Variants in CAPZA2 observed in about 807,000 individuals in gnomAD.
CAPZA2 encodes F-actin-capping protein subunit alpha-2.
CAPZA2 carries 13 observed loss-of-function variants against 44.0 expected under a neutral mutation model. That is an observed-to-expected ratio of 0.30 (90% CI 0.19 to 0.47). The LOEUF (loss-of-function observed/expected upper bound fraction) is 0.47. CAPZA2 is among the 20% of genes least tolerant of loss of function. The pLI is 1.00. For synonymous variants in CAPZA2, 94 were observed against 108.2 expected, an observed-to-expected ratio of 0.87 and a Z score of 0.81; for missense variants, 244 against 338.6, an observed-to-expected ratio of 0.72 and a Z score of 2.19.
chr7:116,869,790 G>C (rs995301821), intron 1 of CAPZA2, among the ~76,000 whole-genome samples: 6 of 152,210 alleles, frequency 3.9e-5, no homozygotes, highest in African/African-American at 1.4e-4. Flanking sequence ...CAGTTGGTTA[G>C]AGAGCTTCCA....
chr7:116,898,725 A>G lies in CAPZA2; in HGVS notation c.156-47A>G. ...AATTTTTTGACCATTGTTTTTAAAA[A>G]ACATTAAATATATAATTTTAAGTAA... On this transcript the variant is annotated intron_variant, in intron 3 of 9. Coordinates refer to ENST00000361183, the MANE Select transcript of CAPZA2 (RefSeq NM_006136.3). 2.3e-6 allele frequency: 3 copies of G among 1,280,734 alleles called. No homozygotes were observed. In the South Asian group the frequency reaches 4.1e-5, roughly 17 times the overall value. The allele number at this position is 1,280,734 out of a possible 1,614,324, so 79.3% of individuals were successfully genotyped here. A position where few individuals can be genotyped will look rare whatever the true frequency, so the allele number is the denominator to read the frequency against.
At chr7:116,878,787 G>A (rs1315950333) in intron 1 of CAPZA2, among the ~76,000 whole-genome samples, 1 of 152,116 alleles carries the variant, frequency 6.6e-6, no homozygotes, top group African/African-American at 2.4e-5. Flanking sequence ...AGGACACAAA[G>A]AAACTAACAT....
chr7:116,901,220 C>T (rs1024495670), intron 4 of CAPZA2, among the ~76,000 whole-genome samples: 5 of 152,096 alleles, frequency 3.3e-5, no homozygotes, highest in Non-Finnish European at 5.9e-5. Context: ...ATGTTCATTA[C>T]AGCACTATTC....
At chr7:116,880,446 G>A (rs1177378044) in intron 1 of CAPZA2, among the ~76,000 whole-genome samples, 1 of 152,088 alleles carries the variant, frequency 6.6e-6, no homozygotes, top group African/African-American at 2.4e-5. Context: ...TGCCCAGGCT[G>A]GAGTGCAATA....
intron 1 of CAPZA2, among the ~76,000 whole-genome samples, chr7:116,864,420 C>A (rs1168640850): frequency 1.3e-5 from 2 of 152,152 alleles, no homozygotes; most frequent in Admixed American, 1.3e-4. Context: ...GTCTTAAAGC[C>A]TGTGCCGCCT....
At chr7:116,891,919 T>C (rs1311155681) in intron 2 of CAPZA2, among the ~76,000 whole-genome samples, 3 of 152,226 alleles carry the variant, frequency 2.0e-5, no homozygotes, top group Admixed American at 2.0e-4. Context: ...TGATTCATAG[T>C]CATTGTAAAC....
intron 5 of CAPZA2, 45 bp downstream of exon 5, chr7:116,904,428 T>A (rs779406389): frequency 2.5e-6 from 3 of 1,194,790 alleles, no homozygotes; most frequent in Non-Finnish European, 3.7e-6. Context: ...TGTGTAAATG[T>A]GAGTCTTTAG....
intron 2 of CAPZA2, among the ~76,000 whole-genome samples, chr7:116,890,707 G>A (rs1285396557): frequency 5.7e-5 from 8 of 139,712 alleles, no homozygotes; most frequent in Non-Finnish European, 1.1e-4. Flanking sequence ...AAACCCAGGA[G>A]GCGGAGGTTA....
intron 4 of CAPZA2, among the ~76,000 whole-genome samples, chr7:116,900,351 C>T (rs1796980249): frequency 6.7e-6 from 1 of 149,450 alleles, no homozygotes; most frequent in African/African-American, 2.5e-5. Context: ...TTATTTGTGA[C>T]ATGATTTATA....
intron 7 of CAPZA2, among the ~76,000 whole-genome samples, chr7:116,911,801 A>C (rs1338884592): frequency 6.6e-6 from 1 of 152,252 alleles, no homozygotes; most frequent in South Asian, 2.1e-4. Flanking sequence ...TTTAGATACC[A>C]GTAGAATGAA....
chr7:116,865,176 TC>T (rs1319381354), intron 1 of CAPZA2, among the ~76,000 whole-genome samples: 2 of 144,034 alleles, frequency 1.4e-5, no homozygotes, highest in African/African-American at 5.3e-5. Context: ...TGCGCTCTCT[TC>T]TTTTTTTTTT....
intron 1 of CAPZA2, among the ~76,000 whole-genome samples, chr7:116,871,990 G>T (rs1796560277): frequency 1.3e-5 from 2 of 150,526 alleles, no homozygotes; most frequent in African/African-American, 5.0e-5. Context: ...ATTCCTTTTT[G>T]TTGTTGTTGT....
chr7:116,868,588 G>A (rs905796396), intron 1 of CAPZA2, among the ~76,000 whole-genome samples: 1 of 152,170 alleles, frequency 6.6e-6, no homozygotes, highest in Non-Finnish European at 1.5e-5. Flanking sequence ...CAAAAAATTA[G>A]CTGGGCGTGG....
At chr7:116,901,000 G>A (rs868793600) in intron 4 of CAPZA2, among the ~76,000 whole-genome samples, 1 of 152,062 alleles carries the variant, frequency 6.6e-6, no homozygotes. Context: ...TTATTAGAAA[G>A]TCAAAAAATA....
In CAPZA2 at chr7:116,904,157, A is replaced by C; in HGVS notation, c.220-20A>C. On this transcript the variant is annotated intron_variant, in intron 4 of 9. Coordinates refer to ENST00000361183, the MANE Select transcript of CAPZA2 (RefSeq NM_006136.3). ...ATGCTGTTTTTTTATTTTTTTTCTA[A>C]ATTCATTCCATCATCAAAGGTATTG... 1 of 1,493,510 alleles carries C rather than the reference A, an allele frequency of 6.7e-7. No individual in the cohort carries two copies. 92.5% of individuals were successfully genotyped at this position (1,493,510 alleles called of 1,614,324 possible).
chr7:116,883,917 CATT>C (rs767875751), intron 1 of CAPZA2, among the ~76,000 whole-genome samples: 2 of 152,146 alleles, frequency 1.3e-5, no homozygotes, highest in Non-Finnish European at 1.5e-5. Flanking sequence ...TTGTATAAGT[CATT>C]AGGAGTATTA....
At chr7:116,898,602 A>G (rs191654438) in intron 3 of CAPZA2, among the ~76,000 whole-genome samples, 170 bp from the exon 4 acceptor site, 5 of 152,276 alleles carry the variant, frequency 3.3e-5, no homozygotes, top group African/African-American at 4.8e-5. Context: ...TAAAATAGGC[A>G]TGTCATTATT....
At chr7:116,901,317 T>C (rs185422408) in intron 4 of CAPZA2, among the ~76,000 whole-genome samples, 3 of 152,188 alleles carry the variant, frequency 2.0e-5, no homozygotes, top group African/African-American at 7.2e-5. Flanking sequence ...CATAGAATAC[T>C]ATGCAGCCGT....
At chr7:116,871,192 G>C (rs1319414034) in intron 1 of CAPZA2, among the ~76,000 whole-genome samples, 1 of 152,194 alleles carries the variant, frequency 6.6e-6, no homozygotes, top group Non-Finnish European at 1.5e-5. Flanking sequence ...ATAAGAAGTG[G>C]AGAGAGACCT....
Sources: gnomAD v4.1 joint callset for allele counts (sites outside exome capture counted in the v4.1 genomes callset) on GRCh38, gnomAD v4.1.1 for gene constraint, MANE v1.5 for transcripts, NCBI Gene and HGNC (gene_info 2026-07-23, HGNC 2026-07-21) for gene names.